Variants in CLEC2L observed in about 807,000 individuals in gnomAD.
CLEC2L encodes the protein C-type lectin domain family 2 member L.
Under a neutral mutation model 23.6 loss-of-function variants are expected in CLEC2L, and 14 were observed. The observed-to-expected ratio is 0.59, with a 90% confidence interval of 0.39 to 0.93. The LOEUF (loss-of-function observed/expected upper bound fraction) is 0.93, where lower values mean the gene tolerates loss of function less well. Ranked by LOEUF, CLEC2L falls within the 40% of genes least tolerant of loss-of-function variation. The probability of loss-of-function intolerance (pLI) is 0.00; values close to 1 mark genes in which losing one functional copy is unlikely to be tolerated. For synonymous variants in CLEC2L, 114 were observed against 121.3 expected, an observed-to-expected ratio of 0.94 and a Z score of 0.40; for missense variants, 264 against 282.4, an observed-to-expected ratio of 0.93 and a Z score of 0.47.
Position 139,544,534 on chromosome 7 carries a change from C to T in CLEC2L, c.*192C>T, listed in dbSNP as rs1349153605. 5.0e-6 allele frequency: 3 copies of T among 595,310 alleles called. No individual in the cohort carries two copies. The highest frequency in any genetic ancestry group is 9.0e-6 in the Non-Finnish European group (3 of 334,346). 36.9% of individuals were successfully genotyped at this position (595,310 alleles called of 1,614,324 possible). A position where few individuals can be genotyped will look rare whatever the true frequency, so the allele number is the denominator to read the frequency against. ...GTTCCTGGCCTCCTTTGTCTGCAGG[C>T]AGGTCGTGTGGCTCAGCAGTTAAAT... On this transcript the variant is annotated 3_prime_UTR_variant, in exon 5 of 5. Coordinates refer to ENST00000422142, the MANE Select transcript of CLEC2L (RefSeq NM_001080511.4).
Position 139,540,292 on chromosome 7 carries a change from G to A in CLEC2L, c.266-29G>A, listed in dbSNP as rs1405199625. On this transcript the variant is annotated intron_variant, in intron 2 of 4. Transcript: ENST00000422142. This position sits in a 1 kb window ranked among gnomAD's most constrained non-coding sequence, Gnocchi z 5.8. ...AGTGGGACTCGGGCTGGGGGGGCGG[G>A]CAGGGCCGAGCTGGTCTCTTCCCTG... 1.1e-6 allele frequency: 1 copy of A among 928,806 alleles called. No individual in the cohort carries two copies. The highest frequency in any genetic ancestry group is 1.6e-6 in the Non-Finnish European group (1 of 628,484). The allele number at this position is 928,806 out of a possible 1,614,324, so 57.5% of individuals were successfully genotyped here. A position where few individuals can be genotyped will look rare whatever the true frequency, so the allele number is the denominator to read the frequency against.
In CLEC2L at chr7:139,540,368, C is replaced by T; in HGVS notation, c.313C>T (p.Leu105=). The stretch of plus-strand genomic sequence containing the variant: ...CGAAGCGCCCTGCCCGGAGGACTGG[C>T]TGCTCTACGGAAGGAAGTGCTACTT... ...KCEAPCPEDW[L]LYGRKCYFFS... The change falls in exon 3 of 5, where the codon CTG becomes TTG. Residue 105 remains leucine (L), a synonymous_variant. Transcript: ENST00000422142. The surrounding 1 kb of genome is among the most constrained non-coding windows in gnomAD (Gnocchi z 5.8). 1.9e-6 allele frequency: 3 copies of T among 1,611,884 alleles called. No individual in the cohort carries two copies. The highest frequency in any genetic ancestry group is 8.5e-7 in the Non-Finnish European group (1 of 1,179,268).
chr7:139,534,363 A>AGAAT, intron 1 of CLEC2L: 1 of 995,804 alleles, frequency 1.0e-6, no homozygotes, highest in Non-Finnish European at 1.6e-6. Flanking sequence ...ACATGTGAAA[A>AGAAT]GAATGAATCC....
chr7:139,536,859 C>T (rs1256178633), intron 2 of CLEC2L, among the ~76,000 whole-genome samples: 1 of 151,002 alleles, frequency 6.6e-6, no homozygotes, highest in Non-Finnish European at 1.5e-5. Context: ...CCAGTAATCC[C>T]AGCTAGTTGG....
intron 1 of CLEC2L, among the ~76,000 whole-genome samples, chr7:139,529,724 G>A (rs1569426038): frequency 1.3e-5 from 2 of 152,186 alleles, no homozygotes; most frequent in Non-Finnish European, 2.9e-5. Context: ...TCAAGATGGC[G>A]AACTGAACAC....
chr7:139,544,231 G>A lies in CLEC2L; in HGVS notation c.534G>A (p.Thr178=). Residue 178 remains threonine, a splice_region_variant and synonymous_variant, in exon 5 of 5, where the codon ACG becomes ACA. Transcript: ENST00000422142. ...GCCTGGTCTTCTCTCCTGGCCACAG[G>A]TTCACCATCGCAGGTCCAGGGGAGT... ...WVNGDPFDPD[T]FTIAGPGECV... is the part of the protein sequence containing the mutation. The A allele has an allele frequency of 6.2e-7, 1 of 1,611,480 alleles. No individual in the cohort carries two copies. The highest frequency in any genetic ancestry group is 1.1e-5 in the South Asian group (1 of 90,684).
chr7:139,541,370 G>GTCATTT (rs1797733449), intron 3 of CLEC2L, among the ~76,000 whole-genome samples: 24 of 152,034 alleles, frequency 1.6e-4, no homozygotes, highest in Non-Finnish European at 3.1e-4. Context: ...ATTGTGAAAT[G>GTCATTT]TGAAAACACA....
At chr7:139,536,448 C>CTTT in intron 2 of CLEC2L, 100 bp downstream of exon 2, 2 of 1,022,184 alleles carry the variant, frequency 2.0e-6, no homozygotes, top group Non-Finnish European at 2.9e-6. Flanking sequence ...TTCCAAGAAT[C>CTTT]CTGTGGGGGA....
chr7:139,538,907 T>C (rs1263537442), intron 2 of CLEC2L, among the ~76,000 whole-genome samples: 2 of 152,222 alleles, frequency 1.3e-5, no homozygotes, highest in Non-Finnish European at 2.9e-5. Context: ...ACATAGCTAG[T>C]ATGATTTTAA....
At chr7:139,532,512 G>GT (rs1336673631) in intron 1 of CLEC2L, among the ~76,000 whole-genome samples, 3 of 152,200 alleles carry the variant, frequency 2.0e-5, no homozygotes, top group African/African-American at 4.8e-5. Flanking sequence ...ATTCAAGCAG[G>GT]TCAGAAAGTT....
chr7:139,534,206 G>A, intron 1 of CLEC2L: 2 of 791,606 alleles, frequency 2.5e-6, no homozygotes, highest in East Asian at 2.4e-5. Context: ...AGCAGCGGTG[G>A]TGTCGGCAGC....
chr7:139,524,394 C>T lies in CLEC2L; in HGVS notation c.190+277C>T, dbSNP rs1047240688. ...TTGGAGCGGGCTTCACGCTCTGAGC[C>T]TTCGTCTCCTCACGCATGAAGGGGA... On this transcript the variant is annotated intron_variant, in intron 1 of 4. Transcript: ENST00000422142. 3.3e-5 allele frequency among the ~76,000 whole-genome samples: 5 copies of T among 152,358 alleles called. No individual in the cohort carries two copies. The East Asian group carries it at 9.7e-4, about 29-fold the overall frequency.
chr7:139,531,907 C>T (rs2116310437), intron 1 of CLEC2L, among the ~76,000 whole-genome samples: 1 of 146,536 alleles, frequency 6.8e-6, no homozygotes, highest in African/African-American at 2.6e-5. Flanking sequence ...AAGACTCTGT[C>T]TCAAAAAAAA....
At chr7:139,533,159 G>C (rs976754125) in intron 1 of CLEC2L, among the ~76,000 whole-genome samples, 3 of 152,176 alleles carry the variant, frequency 2.0e-5, no homozygotes, top group Admixed American at 6.5e-5. Context: ...CAGGGACTGA[G>C]TGGTCAGGGT....
intron 3 of CLEC2L, among the ~76,000 whole-genome samples, chr7:139,541,138 C>A (rs1797729454): frequency 6.6e-6 from 1 of 151,972 alleles, no homozygotes; most frequent in South Asian, 2.1e-4. Context: ...CCTCCTGAGT[C>A]GCTGGGACTG....
chr7:139,534,961 TA>T (rs59159514), intron 1 of CLEC2L, among the ~76,000 whole-genome samples: 14,351 of 134,230 alleles, frequency 0.11, 1,376 homozygotes, highest in African/African-American at 0.27. Flanking sequence ...TGTTCTTTAG[TA>T]AAAAAAAAAA....
rs753366003 is a variant in CLEC2L, at chr7:139,540,296, G to A, written c.266-25G>A. The stretch of plus-strand genomic sequence containing the variant: ...GGACTCGGGCTGGGGGGGCGGGCAG[G>A]GCCGAGCTGGTCTCTTCCCTGCAGC... On this transcript the variant is annotated intron_variant, in intron 2 of 4. Coordinates refer to ENST00000422142, the MANE Select transcript of CLEC2L (RefSeq NM_001080511.4). The surrounding 1 kb of genome is among the most constrained non-coding windows in gnomAD (Gnocchi z 5.8). The A allele has an allele frequency of 6.3e-7, 1 of 1,585,960 alleles. No homozygotes were observed. The highest frequency in any genetic ancestry group is 8.6e-7 in the Non-Finnish European group (1 of 1,165,708).
At position 139,524,016 on chromosome 7, in the gene CLEC2L, C is replaced by T; in HGVS notation, c.89C>T (p.Pro30Leu). 1 of 1,144,588 alleles carries T rather than the reference C, an allele frequency of 8.7e-7. No homozygotes were observed. Among genetic ancestry groups the T allele is most frequent in the South Asian group, 4.2e-5 (1 of 23,554 alleles). 70.9% of individuals were successfully genotyped at this position (1,144,588 alleles called of 1,614,324 possible). Reference protein sequence around the residue: ...RPAPAPAAPRPRSPAEAEARG... With the variant: ...RPAPAPAAPRLRSPAEAEARG... ...GCGCCCGCCCCCGCCGCCCCCAGGC[C>T]GCGTTCGCCCGCAGAGGCTGAGGCC... Residue 30 changes from proline (P) to leucine (L), a missense_variant, in exon 1 of 5, where the codon CCG becomes CTG. By Grantham distance (98) the Pro-to-Leu change is moderately conservative. Coordinates refer to ENST00000422142, the MANE Select transcript of CLEC2L (RefSeq NM_001080511.4).
intron 2 of CLEC2L, among the ~76,000 whole-genome samples, chr7:139,536,921 G>A (rs1350002563): frequency 1.5e-5 from 2 of 135,142 alleles, no homozygotes; most frequent in Non-Finnish European, 3.1e-5. Context: ...GTTGCAGTGA[G>A]TTGAGATCGC....
Sources: gnomAD v4.1 joint callset for allele counts (sites outside exome capture counted in the v4.1 genomes callset) on GRCh38, gnomAD v4.1.1 for gene constraint, Gnocchi (gnomAD v3.1) non-coding constraint, MANE v1.5 for transcripts, NCBI Gene and HGNC (gene_info 2026-07-23, HGNC 2026-07-21) for gene names.